Variants in PARD3B observed in about 807,000 individuals in gnomAD.
PARD3B encodes the protein partitioning defective 3 homolog B.
In PARD3B, 103 loss-of-function variants were observed where a neutral mutation model predicts 130.2. The ratio of observed to expected loss-of-function variants is 0.79; its 90% CI spans 0.67 to 0.93. The LOEUF (loss-of-function observed/expected upper bound fraction) is 0.93. Among genes scored for constraint, PARD3B ranks in the 40% least tolerant of loss-of-function variants. The pLI is 0.00. For synonymous variants in PARD3B, 583 were observed against 553.2 expected (o/e 1.05, Z -0.76); for missense variants, 1,609 against 1,499.2 (o/e 1.07, Z -1.21).
At chr2:205,427,004 A>G (rs1574992787) in intron 19 of PARD3B, among the ~76,000 whole-genome samples, 1 of 152,320 alleles carries the variant, frequency 6.6e-6, no homozygotes, top group Non-Finnish European at 1.5e-5. Flanking sequence ...ATGGCCCTTA[A>G]GCATATGAAA....
chr2:205,090,873 G>A (rs1372462738), intron 4 of PARD3B, among the ~76,000 whole-genome samples: 1 of 152,128 alleles, frequency 6.6e-6, no homozygotes, highest in African/African-American at 2.4e-5. Flanking sequence ...TAGCTCTTAG[G>A]CAAAAGCAAT....
chr2:205,014,341 T>G (rs1368495575), intron 3 of PARD3B, among the ~76,000 whole-genome samples: 1 of 152,210 alleles, frequency 6.6e-6, no homozygotes, highest in African/African-American at 2.4e-5. Context: ...TCCTGAGGTC[T>G]GACTGTCACA....
intron 2 of PARD3B, among the ~76,000 whole-genome samples, chr2:204,755,860 A>G (rs1162901054): frequency 6.6e-6 from 1 of 152,116 alleles, no homozygotes; most frequent in Admixed American, 6.6e-5. Flanking sequence ...CCTGTGTTAC[A>G]TGAAAAGGAA....
intron 2 of PARD3B, among the ~76,000 whole-genome samples, chr2:204,853,380 T>C (rs1388252126): frequency 6.6e-6 from 1 of 152,208 alleles, no homozygotes; most frequent in Non-Finnish European, 1.5e-5. Context: ...AGTTTTTTAG[T>C]GCTGGCTTGA....
intron 20 of PARD3B, among the ~76,000 whole-genome samples, chr2:205,480,067 T>C (rs1346186207): frequency 1.3e-5 from 2 of 152,058 alleles, no homozygotes. Context: ...CATGCCCAGC[T>C]AATTTTTTGT....
chr2:205,106,319 T>G (rs1196968670), intron 5 of PARD3B, among the ~76,000 whole-genome samples: 1 of 151,810 alleles, frequency 6.6e-6, no homozygotes, highest in Non-Finnish European at 1.5e-5. Flanking sequence ...CCAGCTAATT[T>G]TGTATTTATA....
intron 22 of PARD3B, among the ~76,000 whole-genome samples, chr2:205,599,496 A>G (rs1259784928): frequency 6.6e-6 from 1 of 152,166 alleles, no homozygotes; most frequent in Non-Finnish European, 1.5e-5. Flanking sequence ...TTATTGCAAG[A>G]CCAGACAGCA....
intron 2 of PARD3B, among the ~76,000 whole-genome samples, chr2:204,915,678 A>G (rs2047415683): frequency 6.6e-6 from 1 of 152,180 alleles, no homozygotes. Context: ...TCTGAGTCAC[A>G]TATCTGAAAC....
At position 205,263,392 on chromosome 2, in the gene PARD3B, A is replaced by G. The variant is rs534764558; in HGVS notation, c.2185+17570A>G. ...CAGTGCAAACAGGAACTATTTACTG[A>G]AAGTCCTTACTAAGGAGTTTCCCTT... is the stretch of plus-strand genomic sequence containing the variant. On this transcript the variant is annotated intron_variant, in intron 16 of 22. Coordinates refer to ENST00000406610, the MANE Select transcript of PARD3B (RefSeq NM_001302769.2). This position sits in a 1 kb window ranked among gnomAD's most constrained non-coding sequence, Gnocchi z 4.0. 2.3e-4 allele frequency among the ~76,000 whole-genome samples: 33 copies of G among 142,376 alleles called. 1 individual carries two copies. The highest frequency in any genetic ancestry group is 1.6e-5 in the Non-Finnish European group (1 of 63,180). 93.4% of individuals were successfully genotyped at this position (142,376 alleles called of 152,430 possible).
chr2:204,766,991 A>ATTTTTATT (rs141505640), intron 2 of PARD3B, among the ~76,000 whole-genome samples: 4 of 98,676 alleles, frequency 4.1e-5, no homozygotes, highest in African/African-American at 1.5e-4. Context: ...CACATTTTTT[A>ATTTTTATT]TTTTATTTTT....
In PARD3B at chr2:205,342,972, T is replaced by C. The variant is rs548439463; in HGVS notation, c.2630+41271T>C. ...CTTTGTCCTCAAAAGCTTTTACCAA[T>C]TTGGCAACACAGAATGACTAAATCT... On this transcript the variant is annotated intron_variant, in intron 18 of 22. Coordinates refer to ENST00000406610, the MANE Select transcript of PARD3B (RefSeq NM_001302769.2). Among the ~76,000 whole-genome samples, 7 of 152,334 alleles carry C rather than the reference T, an allele frequency of 4.6e-5. No individual in the cohort carries two copies. The South Asian group carries it at 1.4e-3, about 32-fold the overall frequency.
intron 2 of PARD3B, among the ~76,000 whole-genome samples, chr2:204,726,983 G>C (rs2039259705): frequency 6.6e-6 from 1 of 152,130 alleles, no homozygotes; most frequent in Admixed American, 6.5e-5. Flanking sequence ...GTTTAAAGGA[G>C]AACATGATCC....
chr2:204,547,296 A>G (rs2125038085), intron 1 of PARD3B, among the ~76,000 whole-genome samples: 1 of 152,344 alleles, frequency 6.6e-6, no homozygotes, highest in Non-Finnish European at 1.5e-5. Flanking sequence ...AGCTCTGGAC[A>G]GATACATGTG....
chr2:205,610,535 A>C (rs2055194219), intron 22 of PARD3B, among the ~76,000 whole-genome samples: 1 of 152,154 alleles, frequency 6.6e-6, no homozygotes. Flanking sequence ...GAGAGCTCTC[A>C]ATTTCCTCAG....
At chr2:204,730,050 G>C (rs1047947199) in intron 2 of PARD3B, among the ~76,000 whole-genome samples, 1 of 146,932 alleles carries the variant, frequency 6.8e-6, no homozygotes, top group African/African-American at 2.5e-5. Context: ...CTATTCCTTG[G>C]GTTTTGCATA....
intron 2 of PARD3B, among the ~76,000 whole-genome samples, chr2:204,884,594 C>G (rs2046202585): frequency 6.6e-6 from 1 of 152,164 alleles, no homozygotes; most frequent in Non-Finnish European, 1.5e-5. Context: ...GCTATTCTCT[C>G]TGATGCTCTC....
intron 2 of PARD3B, among the ~76,000 whole-genome samples, chr2:204,897,125 A>C (rs1241444173): frequency 6.6e-6 from 1 of 152,244 alleles, no homozygotes. Flanking sequence ...TTAATTTATA[A>C]GGTCTTCACA....
At chr2:205,537,563 C>A (rs564605774) in intron 21 of PARD3B, among the ~76,000 whole-genome samples, 6 of 152,136 alleles carry the variant, frequency 3.9e-5, no homozygotes, top group Non-Finnish European at 7.4e-5. Context: ...GGCCTTCCAC[C>A]AGTCGGCAGG....
chr2:205,384,847 A>T (rs2045604362), intron 18 of PARD3B, among the ~76,000 whole-genome samples: 1 of 152,104 alleles, frequency 6.6e-6, no homozygotes, highest in Non-Finnish European at 1.5e-5. Flanking sequence ...GACCAGCAAG[A>T]TCATCTATAG....
Sources: allele counts gnomAD v4.1 joint callset (sites outside exome capture counted in the v4.1 genomes callset), GRCh38; gene constraint gnomAD v4.1.1; non-coding constraint Gnocchi (gnomAD v3.1); transcripts MANE v1.5; gene names NCBI Gene and HGNC (gene_info 2026-07-23, HGNC 2026-07-21).